STIM2: variants seen among roughly 807,000 people sequenced by gnomAD.
STIM2 encodes the protein stromal interaction molecule 2.
STIM2 carries 31 observed loss-of-function variants against 85.8 expected under a neutral mutation model. The observed-to-expected ratio is 0.36, with a 90% CI of 0.27 to 0.49. The LOEUF (loss-of-function observed/expected upper bound fraction) is 0.49, where lower values mean the gene tolerates loss of function less well. STIM2 is among the 20% of genes least tolerant of loss of function. The pLI is 0.98. For missense variants in STIM2, 841 were observed against 927.6 expected, an observed-to-expected ratio of 0.91 and a Z score of 1.21; for synonymous variants, 356 against 331.1, an observed-to-expected ratio of 1.08 and a Z score of -0.82.
At chr4:26,949,200 T>C (rs1388825066) in intron 2 of STIM2, among the ~76,000 whole-genome samples, 1 of 152,188 alleles carries the variant, frequency 6.6e-6, no homozygotes, top group Non-Finnish European at 1.5e-5. Flanking sequence ...TTATTAATAT[T>C]ATCCATATTT....
intron 10 of STIM2, among the ~76,000 whole-genome samples, chr4:27,011,360 T>C (rs1457560247): frequency 6.6e-6 from 1 of 152,254 alleles, no homozygotes; most frequent in Non-Finnish European, 1.5e-5. Flanking sequence ...GTTTATTTAT[T>C]GTATTTAAAA....
intron 3 of STIM2, among the ~76,000 whole-genome samples, chr4:26,960,774 A>G (rs1321885504): frequency 6.6e-6 from 1 of 152,180 alleles, no homozygotes; most frequent in Non-Finnish European, 1.5e-5. Flanking sequence ...TAATAAAAAT[A>G]CTAGTACAGG....
chr4:26,907,497 G>T (rs988149246), intron 1 of STIM2, among the ~76,000 whole-genome samples: 3 of 152,054 alleles, frequency 2.0e-5, no homozygotes, highest in Non-Finnish European at 4.4e-5. Context: ...GCTTTTGGAT[G>T]TCTTAAAGAG....
intron 3 of STIM2, among the ~76,000 whole-genome samples, chr4:26,967,259 CAAAG>C (rs528478759): frequency 6.6e-6 from 1 of 152,032 alleles, no homozygotes; most frequent in Non-Finnish European, 1.5e-5. Flanking sequence ...TAAAAGCAAA[CAAAG>C]AGATTTGTGA....
intron 1 of STIM2, among the ~76,000 whole-genome samples, chr4:26,879,541 T>C (rs1722927289): frequency 1.3e-5 from 2 of 152,178 alleles, no homozygotes; most frequent in South Asian, 4.1e-4. Context: ...TGTGTTAAGT[T>C]TTTCATAGGT....
In STIM2 at chr4:26,988,757, T is replaced by G. The variant is rs191433419; in HGVS notation, c.398-6622T>G. On this transcript the variant is annotated intron_variant, in intron 3 of 11. Coordinates refer to ENST00000467087, the MANE Select transcript of STIM2 (RefSeq NM_020860.4). ...ATAATGTTTGCAAATCTCCTGGTAT[T>G]TAATGAACACTTAATAAATGTTAGC... is the stretch of plus-strand genomic sequence containing the variant. Among the ~76,000 whole-genome samples, 262 of 152,326 alleles carry G rather than the reference T, an allele frequency of 1.7e-3. 2 individuals carry two copies. Among genetic ancestry groups the G allele is most frequent in the Admixed American group, 3.5e-3 (54 of 15,292 alleles).
rs558856473 is a variant in STIM2, at chr4:26,967,968, G to T, written c.397+10242G>T. On this transcript the variant is annotated intron_variant, in intron 3 of 11. Transcript: ENST00000467087. ...TAACAGGCAGGAAGATCAGTAGTTT[G>T]AGACTAGCCTGGCCAACAAAGTGAG... Among the ~76,000 whole-genome samples the T allele has an allele frequency of 3.3e-5, 5 of 152,180 alleles. No homozygotes were observed. The South Asian group carries it at 1.0e-3, about 32-fold the overall frequency.
At chr4:26,945,104 A>C (rs1208697536) in intron 2 of STIM2, among the ~76,000 whole-genome samples, 1 of 151,922 alleles carries the variant, frequency 6.6e-6, no homozygotes, top group Non-Finnish European at 1.5e-5. Flanking sequence ...TTTACCCCCC[A>C]CCCTCTGGGA....
At chr4:26,965,470 A>G (rs972776441) in intron 3 of STIM2, among the ~76,000 whole-genome samples, 1 of 152,096 alleles carries the variant, frequency 6.6e-6, no homozygotes, top group Non-Finnish European at 1.5e-5. Context: ...TTTATTATCA[A>G]ATAACTTTCT....
At chr4:26,890,563 G>A (rs564165627) in intron 1 of STIM2, among the ~76,000 whole-genome samples, 70 of 152,222 alleles carry the variant, frequency 4.6e-4, no homozygotes, top group Admixed American at 5.2e-4. Context: ...GGTGGCTCAC[G>A]CCTGTAATCC....
At chr4:26,959,071 G>T (rs1220379026) in intron 3 of STIM2, among the ~76,000 whole-genome samples, 1 of 152,148 alleles carries the variant, frequency 6.6e-6, no homozygotes, top group African/African-American at 2.4e-5. Context: ...TTTGTGCTCT[G>T]CTGTAGTCTC....
At chr4:26,916,685 G>T (rs1724593687) in intron 1 of STIM2, among the ~76,000 whole-genome samples, 1 of 151,594 alleles carries the variant, frequency 6.6e-6, no homozygotes, top group Admixed American at 6.6e-5. Context: ...TCTGTATGTT[G>T]GTATCTTTGT....
chr4:27,009,203 TTTATA>T (rs762122815), intron 10 of STIM2, among the ~76,000 whole-genome samples: 43 of 152,204 alleles, frequency 2.8e-4, no homozygotes, highest in Admixed American at 7.8e-4. Flanking sequence ...TTTGTGTATA[TTTATA>T]TTATATATTT....
chr4:26,972,351 C>T (rs1312338432), intron 3 of STIM2, among the ~76,000 whole-genome samples: 1 of 152,094 alleles, frequency 6.6e-6, no homozygotes, highest in African/African-American at 2.4e-5. Context: ...AGTTTTTGCC[C>T]ATTCAGTATG....
intron 3 of STIM2, 67 bp downstream of exon 3, chr4:26,957,793 C>A: frequency 2.1e-6 from 2 of 950,836 alleles, no homozygotes; most frequent in Non-Finnish European, 3.2e-6. Flanking sequence ...TTGTTCTCAA[C>A]TCACTTATAG....
At chr4:26,870,901 C>CTT (rs58728231) in intron 1 of STIM2, among the ~76,000 whole-genome samples, 3 of 141,242 alleles carry the variant, frequency 2.1e-5, no homozygotes, top group Non-Finnish European at 3.1e-5. Context: ...TTAGTGAATC[C>CTT]TTTTTTTTTT....
chr4:26,971,969 T>C (rs1726972571), intron 3 of STIM2, among the ~76,000 whole-genome samples: 1 of 152,190 alleles, frequency 6.6e-6, no homozygotes, highest in South Asian at 2.1e-4. Flanking sequence ...CCTTGTAAAT[T>C]GGATTCCTAG....
chr4:26,970,015 A>G (rs1164596913), intron 3 of STIM2, among the ~76,000 whole-genome samples: 1 of 151,750 alleles, frequency 6.6e-6, no homozygotes, highest in Non-Finnish European at 1.5e-5. Flanking sequence ...TTTTTTAAAT[A>G]TAAAAGTAAT....
At chr4:26,966,160 C>T (rs1287150421) in intron 3 of STIM2, among the ~76,000 whole-genome samples, 1 of 152,072 alleles carries the variant, frequency 6.6e-6, no homozygotes, top group Non-Finnish European at 1.5e-5. Flanking sequence ...AAAATGAGGG[C>T]TGTCCACTTT....
Sources: gnomAD v4.1 joint callset for allele counts (sites outside exome capture counted in the v4.1 genomes callset) on GRCh38, gnomAD v4.1.1 for gene constraint, MANE v1.5 for transcripts, NCBI Gene and HGNC (gene_info 2026-07-23, HGNC 2026-07-21) for gene names.